Variants in ZNF257 observed in about 807,000 individuals in gnomAD.
ZNF257 encodes the protein bone marrow zinc finger 4.
In ZNF257, 12 loss-of-function variants were observed where a neutral mutation model predicts 11.9. That is an observed-to-expected ratio of 1.01 (90% confidence interval 0.65 to 1.63). The LOEUF is 1.63. Among genes scored for constraint, ZNF257 ranks in the 40% most tolerant of loss-of-function variants. The pLI is 0.00. For synonymous variants in ZNF257, 183 were observed against 222.7 expected (o/e 0.82, Z 1.59); for missense variants, 580 against 665.5 (o/e 0.87, Z 1.41).
intron 1 of ZNF257, among the ~76,000 whole-genome samples, chr19:22,063,628 A>G (rs1468844664): frequency 6.6e-6 from 1 of 152,154 alleles, no homozygotes; most frequent in Non-Finnish European, 1.5e-5. Context: ...AGTCATTTAA[A>G]TGCGGGTTGT....
intron 2 of ZNF257, among the ~76,000 whole-genome samples, 168 bp from the exon 3 acceptor site, chr19:22,073,301 T>G (rs1049388902): frequency 2.6e-5 from 4 of 152,086 alleles, no homozygotes; most frequent in African/African-American, 9.7e-5. Flanking sequence ...GAATTAAGAA[T>G]CTACAAATAT....
intron 1 of ZNF257, among the ~76,000 whole-genome samples, chr19:22,071,775 T>G (rs1653927619): frequency 6.6e-6 from 1 of 152,090 alleles, no homozygotes; most frequent in African/African-American, 2.4e-5. Context: ...TGGGAAGGTG[T>G]GAATACTCAA....
At chr19:22,079,069 GGCGTGAGCC>G (rs1244664340) in intron 3 of ZNF257, among the ~76,000 whole-genome samples, 1 of 152,106 alleles carries the variant, frequency 6.6e-6, no homozygotes, top group East Asian at 1.9e-4. Flanking sequence ...TGGGATTACA[GGCGTGAGCC>G]ACCACCGCAC....
At chr19:22,063,551 G>A (rs576858675) in intron 1 of ZNF257, among the ~76,000 whole-genome samples, 1 of 152,262 alleles carries the variant, frequency 6.6e-6, no homozygotes, top group South Asian at 2.1e-4. Flanking sequence ...CTGGTATGCT[G>A]TATCTTTATT....
In ZNF257 at chr19:22,088,491, T is replaced by C; in HGVS notation, c.741T>C (p.His247=). 1.2e-6 allele frequency: 2 copies of C among 1,612,220 alleles called. No individual in the cohort carries two copies. Among genetic ancestry groups the C allele is most frequent in the Non-Finnish European group, 1.7e-6 (2 of 1,179,208 alleles). ...AFNRSSHLTQ[H]KVIHTREKPY... Reference sequence around the variant, plus strand: ...ACCGGTCTTCACACCTTACTCAACATAAGGTAATTCATACTAGAGAGAAAC... The same window carrying C: ...ACCGGTCTTCACACCTTACTCAACACAAGGTAATTCATACTAGAGAGAAAC... The change falls in exon 4 of 4, where the codon CAT becomes CAC. Residue 247 remains histidine, a synonymous_variant. Coordinates refer to ENST00000594947, the MANE Select transcript of ZNF257 (RefSeq NM_033468.4).
At chr19:22,058,273 T>A (rs1045519793) in intron 1 of ZNF257, among the ~76,000 whole-genome samples, 3 of 112,038 alleles carry the variant, frequency 2.7e-5, no homozygotes, top group African/African-American at 9.0e-5. Flanking sequence ...TCCCCACCTA[T>A]TTTTTTTTTG....
At chr19:22,059,445 C>A (rs1220276249) in intron 1 of ZNF257, among the ~76,000 whole-genome samples, 1 of 151,928 alleles carries the variant, frequency 6.6e-6, no homozygotes, top group African/African-American at 2.4e-5. Context: ...CCTGCCACCA[C>A]ACCAGCTAAT....
At chr19:22,075,064 C>T (rs1172468331) in intron 3 of ZNF257, among the ~76,000 whole-genome samples, 1 of 149,320 alleles carries the variant, frequency 6.7e-6, no homozygotes, top group East Asian at 2.0e-4. Flanking sequence ...ATTGGGCCCC[C>T]AGGGTGATGG....
chr19:22,083,178 A>G (rs569666814), intron 3 of ZNF257, among the ~76,000 whole-genome samples: 132 of 152,246 alleles, frequency 8.7e-4, no homozygotes, highest in Non-Finnish European at 1.6e-3. Context: ...AAGATAATTT[A>G]AAAACTACCG....
intron 1 of ZNF257, among the ~76,000 whole-genome samples, chr19:22,059,391 G>A (rs946101072): frequency 6.6e-6 from 1 of 152,116 alleles, no homozygotes; most frequent in Admixed American, 6.5e-5. Flanking sequence ...ATGGTAACAT[G>A]TATTTATTTA....
intron 1 of ZNF257, among the ~76,000 whole-genome samples, chr19:22,058,998 A>C (rs1447206100): frequency 6.6e-6 from 1 of 151,886 alleles, no homozygotes; most frequent in East Asian, 1.9e-4. Flanking sequence ...TTCTCCACCA[A>C]CCTAGGGTTC....
At chr19:22,083,639 G>T (rs2022407068) in intron 3 of ZNF257, among the ~76,000 whole-genome samples, 1 of 152,036 alleles carries the variant, frequency 6.6e-6, no homozygotes, top group Admixed American at 6.6e-5. Context: ...ATCTTGCAAA[G>T]CTAAATCTCA....
In ZNF257 at chr19:22,083,888, C is replaced by T. The variant is rs1240072436; in HGVS notation, c.227-4089C>T. ...GGTGTGGTAGCTCACGCCTGTAATC[C>T]CAGCACTTTGGGAGACCAAGGTGGG... On this transcript the variant is annotated intron_variant, in intron 3 of 3. Coordinates refer to ENST00000594947, the MANE Select transcript of ZNF257 (RefSeq NM_033468.4). Among the ~76,000 whole-genome samples the T allele has an allele frequency of 1.3e-5, 2 of 151,966 alleles. 1 individual carries two copies. The highest frequency in any genetic ancestry group is 4.1e-4 in the South Asian group (2 of 4,826).
chr19:22,086,172 T>C (rs1182013592), intron 3 of ZNF257, among the ~76,000 whole-genome samples: 3 of 152,090 alleles, frequency 2.0e-5, no homozygotes, highest in Non-Finnish European at 2.9e-5. Context: ...TTAGTATTGA[T>C]GTGGTTTCGC....
rs191079471 is a variant in ZNF257, at chr19:22,068,566, C to G, written c.4-4243C>G. 1.6e-3 allele frequency among the ~76,000 whole-genome samples: 242 copies of G among 152,190 alleles called. 1 individual carries two copies. The highest frequency in any genetic ancestry group is 5.5e-3 in the African/African-American group (229 of 41,500). ...GTCAACATAGACATCTTAAAGCCCC[C>G]CTTTGATAGTGTGGCTCTTTGAGCT... On this transcript the variant is annotated intron_variant, in intron 1 of 3. Transcript: ENST00000594947.
At chr19:22,080,484 T>C (rs561302815) in intron 3 of ZNF257, among the ~76,000 whole-genome samples, 2 of 152,276 alleles carry the variant, frequency 1.3e-5, no homozygotes, top group South Asian at 4.1e-4. Context: ...AGTTACCAGT[T>C]ACTCTTGGCC....
rs1483021185 is a variant in ZNF257, at chr19:22,080,788, T to C, written c.227-7189T>C. ...CTTCAATTTGTTGATATTTGCTTTA[T>C]ATATTTTGGAGCCCTGATATTATAT... On this transcript the variant is annotated intron_variant, in intron 3 of 3. Coordinates refer to ENST00000594947, the MANE Select transcript of ZNF257 (RefSeq NM_033468.4). Among the ~76,000 whole-genome samples, 5 of 151,714 alleles carry C rather than the reference T, an allele frequency of 3.3e-5. 1 individual carries two copies. The highest frequency in any genetic ancestry group is 1.2e-4 in the African/African-American group (5 of 41,312).
intron 1 of ZNF257, among the ~76,000 whole-genome samples, chr19:22,067,264 C>G (rs2021975075): frequency 6.6e-6 from 1 of 152,124 alleles, no homozygotes; most frequent in South Asian, 2.1e-4. Context: ...TATCTTCAGA[C>G]CTGAAACTGA....
At chr19:22,056,705 C>G (rs1345645570) in intron 1 of ZNF257, among the ~76,000 whole-genome samples, 1 of 152,004 alleles carries the variant, frequency 6.6e-6, no homozygotes, top group East Asian at 1.9e-4. Flanking sequence ...GTCTCAATCT[C>G]CTGACCTCGT....
Sources: allele counts gnomAD v4.1 joint callset (sites outside exome capture counted in the v4.1 genomes callset), GRCh38; gene constraint gnomAD v4.1.1; transcripts MANE v1.5; gene names NCBI Gene and HGNC (gene_info 2026-07-23, HGNC 2026-07-21).